SLC35F3: variants seen among roughly 807,000 people sequenced by gnomAD.
SLC35F3 encodes the protein putative thiamine transporter SLC35F3.
A neutral mutation model predicts 49.9 loss-of-function variants in SLC35F3; 25 were observed. The observed-to-expected ratio is 0.50, with a 90% CI of 0.37 to 0.70. The LOEUF (loss-of-function observed/expected upper bound fraction) is 0.70. SLC35F3 is among the 30% of genes least tolerant of loss of function. SLC35F3 has a pLI of 0.00. For missense variants in SLC35F3, 525 were observed against 639.8 expected (o/e 0.82, Z 1.94); for synonymous variants, 275 against 265.4 (o/e 1.04, Z -0.35).
intron 3 of SLC35F3, among the ~76,000 whole-genome samples, chr1:234,294,332 G>A (rs753250528): frequency 1.3e-4 from 20 of 152,148 alleles, no homozygotes; most frequent in Admixed American, 2.0e-4. Context: ...GCTCTGTCTC[G>A]GCCAGCAGAG....
intron 2 of SLC35F3, among the ~76,000 whole-genome samples, chr1:233,954,888 G>T (rs1171349553): frequency 6.6e-6 from 1 of 152,140 alleles, no homozygotes; most frequent in Non-Finnish European, 1.5e-5. Context: ...CTGTTGCCCA[G>T]CCTGGAGTGC....
At chr1:234,252,575 T>C (rs1572116586) in intron 3 of SLC35F3, among the ~76,000 whole-genome samples, 1 of 152,212 alleles carries the variant, frequency 6.6e-6, no homozygotes, top group African/African-American at 2.4e-5. Context: ...TATAAACAGA[T>C]ACTGCATAGG....
At chr1:234,150,423 AC>A (rs2102908202) in intron 2 of SLC35F3, among the ~76,000 whole-genome samples, 1 of 152,272 alleles carries the variant, frequency 6.6e-6, no homozygotes, top group South Asian at 2.1e-4. Flanking sequence ...ATCATCTTAT[AC>A]ATTTTTGTCA....
chr1:234,293,038 C>T (rs1668534050), intron 3 of SLC35F3, among the ~76,000 whole-genome samples: 1 of 152,208 alleles, frequency 6.6e-6, no homozygotes, highest in South Asian at 2.1e-4. Flanking sequence ...GTCTAAGACT[C>T]ATTATCCGGT....
At chr1:234,041,030 ATC>A (rs1352042730) in intron 2 of SLC35F3, among the ~76,000 whole-genome samples, 2 of 152,132 alleles carry the variant, frequency 1.3e-5, no homozygotes, top group Non-Finnish European at 2.9e-5. Flanking sequence ...CACATGTGCT[ATC>A]TCTGCAGAGG....
intron 2 of SLC35F3, among the ~76,000 whole-genome samples, chr1:233,918,699 G>A (rs1397943664): frequency 1.3e-5 from 2 of 151,998 alleles, no homozygotes; most frequent in East Asian, 1.9e-4. Context: ...CCTGGGAGGC[G>A]GAGGTTGCAG....
At chr1:234,085,067 T>A (rs1343077933) in intron 2 of SLC35F3, among the ~76,000 whole-genome samples, 2 of 152,174 alleles carry the variant, frequency 1.3e-5, no homozygotes, top group Non-Finnish European at 2.9e-5. Context: ...TCTGTTTATG[T>A]GAAATGTCTA....
At chr1:233,960,923 G>A (rs1047789166) in intron 2 of SLC35F3, among the ~76,000 whole-genome samples, 6 of 151,962 alleles carry the variant, frequency 3.9e-5, no homozygotes, top group East Asian at 1.9e-4. Context: ...TGTGTCTCTC[G>A]GTGGCTCCAC....
chr1:234,175,221 T>A (rs993115285), intron 2 of SLC35F3, among the ~76,000 whole-genome samples: 1 of 152,232 alleles, frequency 6.6e-6, no homozygotes, highest in African/African-American at 2.4e-5. Flanking sequence ...TCAAGGAGGC[T>A]CTAGCAGTAT....
intron 2 of SLC35F3, among the ~76,000 whole-genome samples, chr1:234,220,366 T>G (rs956789859): frequency 2.6e-5 from 4 of 152,108 alleles, no homozygotes; most frequent in African/African-American, 9.7e-5. Flanking sequence ...CGAAAAATTT[T>G]TTAAACTCTG....
intron 2 of SLC35F3, among the ~76,000 whole-genome samples, chr1:234,117,738 T>C (rs1665510190): frequency 6.6e-6 from 1 of 151,094 alleles, no homozygotes; most frequent in African/African-American, 2.4e-5. Context: ...TACAAAAAAT[T>C]AGCCGGGCGT....
chr1:234,296,935 T>A (rs570373051), intron 3 of SLC35F3, among the ~76,000 whole-genome samples: 1 of 152,314 alleles, frequency 6.6e-6, no homozygotes, highest in African/African-American at 2.4e-5. Flanking sequence ...TTTCTTTTAA[T>A]GAAACATTTG....
chr1:234,240,649 C>G (rs888896130), intron 3 of SLC35F3, among the ~76,000 whole-genome samples: 5 of 151,530 alleles, frequency 3.3e-5, no homozygotes, highest in African/African-American at 1.2e-4. Flanking sequence ...TATAAAATGA[C>G]AAGGAGGAGG....
At chr1:234,162,087 G>A (rs548718108) in intron 2 of SLC35F3, among the ~76,000 whole-genome samples, 53 of 152,188 alleles carry the variant, frequency 3.5e-4, no homozygotes, top group African/African-American at 1.3e-3. Flanking sequence ...CTGCAGCAGG[G>A]CTCGCCATTG....
chr1:234,150,710 T>C (rs76844038), intron 2 of SLC35F3, among the ~76,000 whole-genome samples: 2,628 of 152,248 alleles, frequency 0.017, 86 homozygotes, highest in African/African-American at 0.058. Context: ...TCTATATTCC[T>C]ACATTAAAAT....
intron 2 of SLC35F3, among the ~76,000 whole-genome samples, chr1:233,969,680 C>G (rs997201290): frequency 2.6e-5 from 4 of 152,176 alleles, no homozygotes; most frequent in Non-Finnish European, 2.9e-5. Flanking sequence ...ATGGCTCGTT[C>G]GAATGACTGC....
chr1:234,318,711 G>A lies in SLC35F3; in HGVS notation c.955-40G>A. 3 of 1,581,604 alleles carry A rather than the reference G, an allele frequency of 1.9e-6. No homozygotes were observed. In the South Asian group the frequency reaches 3.4e-5, roughly 18 times the overall value. ...TTGCTTACATCATATTGGGGTCTGA[G>A]GTGAGCCTTCACCCCGTCCTCCTCT... On this transcript the variant is annotated intron_variant, in intron 5 of 7. Coordinates refer to ENST00000366618, the MANE Select transcript of SLC35F3 (RefSeq NM_173508.4).
At chr1:233,911,911 A>G (rs1224373788) in intron 2 of SLC35F3, among the ~76,000 whole-genome samples, 1 of 152,170 alleles carries the variant, frequency 6.6e-6, no homozygotes, top group Non-Finnish European at 1.5e-5. Context: ...CCTGGATCTC[A>G]TTAAAAAGAG....
chr1:234,179,348 T>C (rs1011271702), intron 2 of SLC35F3, among the ~76,000 whole-genome samples: 2 of 152,196 alleles, frequency 1.3e-5, no homozygotes, highest in African/African-American at 2.4e-5. Flanking sequence ...TCTGAATACT[T>C]GGGAGAGCAG....
Sources: allele counts gnomAD v4.1 joint callset (sites outside exome capture counted in the v4.1 genomes callset), GRCh38; gene constraint gnomAD v4.1.1; transcripts MANE v1.5; gene names NCBI Gene and HGNC (gene_info 2026-07-23, HGNC 2026-07-21).